RNF130: variants seen among roughly 807,000 people sequenced by gnomAD.
RNF130 encodes the protein E3 ubiquitin-protein ligase RNF130.
In RNF130, 21 loss-of-function variants were observed where a neutral mutation model predicts 44.6. The ratio of observed to expected loss-of-function variants is 0.47; its 90% confidence interval spans 0.33 to 0.68. The LOEUF is 0.68. Among genes scored for constraint, RNF130 ranks in the 30% least tolerant of loss-of-function variants. The pLI, the probability that RNF130 is intolerant of heterozygous loss-of-function variation, is 0.02. For synonymous variants in RNF130, 214 were observed against 210.4 expected (o/e 1.02, Z -0.15); for missense variants, 479 against 560.6 (o/e 0.85, Z 1.47).
intron 3 of RNF130, among the ~76,000 whole-genome samples, chr5:179,985,944 T>C (rs1296486634): frequency 6.6e-6 from 1 of 152,236 alleles, no homozygotes; most frequent in African/African-American, 2.4e-5. Context: ...TGCTACTTCT[T>C]GATCGTCAAA....
At position 180,040,658 on chromosome 5, in the gene RNF130, AAAG is replaced by A; in HGVS notation, c.248-14_248-12del. 1 of 1,608,552 alleles carries A rather than the reference AAAG, an allele frequency of 6.2e-7. No individual in the cohort carries two copies. The highest frequency in any genetic ancestry group is 8.5e-7 in the Non-Finnish European group (1 of 1,177,360). ...CCAGATGATCAGCAACTGAAAAGAA[AAAG>A]AAATACACACATTAAAGATAAATAA... On this transcript the variant is annotated splice_polypyrimidine_tract_variant and intron_variant, in intron 1 of 8. Coordinates refer to ENST00000521389, the MANE Select transcript of RNF130 (RefSeq NM_018434.6).
intron 3 of RNF130, among the ~76,000 whole-genome samples, chr5:180,010,222 C>T (rs1207217365): frequency 4.4e-5 from 5 of 114,088 alleles, no homozygotes; most frequent in Middle Eastern, 0.015. Flanking sequence ...ACTCCAGCCT[C>T]GGCGACAGTG....
chr5:180,044,504 T>C (rs576034098), intron 1 of RNF130, among the ~76,000 whole-genome samples: 36 of 152,114 alleles, frequency 2.4e-4, no homozygotes, highest in African/African-American at 8.5e-4. Context: ...CAAAGAGAGA[T>C]ACAATGTGGC....
chr5:179,918,661 A>C (rs72813763), exon 8 of RNF130: 1 of 152,326 alleles, frequency 6.6e-6, no homozygotes, highest in Non-Finnish European at 1.5e-5. Context: ...TAGTACGAAG[A>C]CTATCATAAA....
At chr5:180,007,442 T>C (rs1763486163) in intron 3 of RNF130, among the ~76,000 whole-genome samples, 1 of 151,886 alleles carries the variant, frequency 6.6e-6, no homozygotes, top group South Asian at 2.1e-4. Context: ...AAAATCAGAG[T>C]CTGTCCTTAA....
In RNF130 at chr5:180,014,503, A is replaced by C. The variant is rs554309726; in HGVS notation, c.443-1192T>G. Among the ~76,000 whole-genome samples the C allele has an allele frequency of 2.4e-4, 36 of 152,300 alleles. 1 individual carries two copies. The South Asian group carries it at 7.5e-3, about 32-fold the overall frequency. On this transcript the variant is annotated intron_variant, in intron 2 of 8. Coordinates refer to ENST00000521389, the MANE Select transcript of RNF130 (RefSeq NM_018434.6). ...ATAACCACTTATTTGAATTTGAATA[A>C]GGTTTGTACATATCAATGTAAACCA...
chr5:179,950,775 G>C (rs1201061700), downstream of RNF130, among the ~76,000 whole-genome samples: 1 of 152,172 alleles, frequency 6.6e-6, no homozygotes, highest in African/African-American at 2.4e-5. Context: ...CATTAAGTTA[G>C]TAGAAAGAGT....
intron 1 of RNF130, among the ~76,000 whole-genome samples, chr5:180,058,087 C>T (rs1764880445): frequency 1.3e-5 from 2 of 152,146 alleles, no homozygotes; most frequent in Admixed American, 6.5e-5. Flanking sequence ...GTCCTTTACA[C>T]ATAAGTTAAG....
In RNF130 at chr5:180,005,360, G is replaced by A. The variant is rs527397915; in HGVS notation, c.693+7701C>T. ...GGAGAATGGTCTGAACCTGGGAGGC[G>A]GAGCTTGCAGTGAGCTGTTAATCGA... On this transcript the variant is annotated intron_variant, in intron 3 of 8. Transcript: ENST00000521389. Among the ~76,000 whole-genome samples the A allele has an allele frequency of 1.5e-3, 226 of 152,210 alleles. 1 individual carries two copies. Among genetic ancestry groups the A allele is most frequent in the Middle Eastern group, 3.4e-3 (1 of 294 alleles).
intron 7 of RNF130, among the ~76,000 whole-genome samples, chr5:179,965,775 C>A (rs1002340532): frequency 6.6e-6 from 1 of 152,202 alleles, no homozygotes; most frequent in African/African-American, 2.4e-5. Flanking sequence ...TGAGTTTACA[C>A]AGATGACAGA....
chr5:180,071,472 C>CG lies in RNF130; in HGVS notation c.230dup (p.Leu78AlafsTer8). On this transcript the variant is annotated frameshift_variant, in exon 1 of 9. Transcript: ENST00000521389. LOFTEE classifies it high-confidence loss of function. ...GGCACTCACCTCCGTGGAGGGGCAG[C>CG]GGCGCCAGCACCTGGCCGCGGACCT... is the stretch of plus-strand genomic sequence containing the variant. 8.0e-7 allele frequency: 1 copy of CG among 1,246,304 alleles called. No homozygotes were observed. Among genetic ancestry groups the CG allele is most frequent in the East Asian group, 3.2e-5 (1 of 31,688 alleles). The allele number at this position is 1,246,304 out of a possible 1,614,324, so 77.2% of individuals were successfully genotyped here.
chr5:179,939,108 T>C (rs933892214), intron 7 of RNF130, among the ~76,000 whole-genome samples: 1 of 152,026 alleles, frequency 6.6e-6, no homozygotes, highest in Admixed American at 6.6e-5. Context: ...TCCCAGCTGC[T>C]TGGGGGGCTG....
intron 3 of RNF130, among the ~76,000 whole-genome samples, chr5:180,002,160 G>A (rs1004898819): frequency 1.1e-4 from 16 of 152,334 alleles, no homozygotes; most frequent in Non-Finnish European, 1.3e-4. Flanking sequence ...CCTGGGAGGC[G>A]TGGCGCTGCT....
At chr5:179,912,154 G>A (rs761420963) in exon 8 of RNF130, 3 of 152,170 alleles carry the variant, frequency 2.0e-5, no homozygotes, top group Non-Finnish European at 4.4e-5. Context: ...TGTGCATAGT[G>A]AGCAGGAACC....
In RNF130 at chr5:180,057,074, A is replaced by G. The variant is rs546400712; in HGVS notation, c.247+14382T>C. On this transcript the variant is annotated intron_variant, in intron 1 of 8. Coordinates refer to ENST00000521389, the MANE Select transcript of RNF130 (RefSeq NM_018434.6). ...TCTTATTCAAAATAAGCCCCTTTCA[A>G]CCATACCAGCGTCTGTGCTAATAAG... Among the ~76,000 whole-genome samples, 10 of 152,320 alleles carry G rather than the reference A, an allele frequency of 6.6e-5. No individual in the cohort carries two copies. In the South Asian group the frequency reaches 1.0e-3, roughly 16 times the overall value.
At chr5:179,985,342 A>C (rs1214019194) in intron 3 of RNF130, among the ~76,000 whole-genome samples, 3 of 152,010 alleles carry the variant, frequency 2.0e-5, no homozygotes, top group Admixed American at 6.6e-5. Context: ...CCATCTTTCC[A>C]GACTTTTGTG....
chr5:180,037,350 G>C (rs965330113), intron 2 of RNF130, among the ~76,000 whole-genome samples: 15 of 152,136 alleles, frequency 9.9e-5, no homozygotes, highest in African/African-American at 3.1e-4. Context: ...GTGAGAGAAG[G>C]GCAAACAGCA....
At chr5:179,951,673 A>G (rs1661103286), downstream of RNF130, among the ~76,000 whole-genome samples, 1 of 152,160 alleles carries the variant, frequency 6.6e-6, no homozygotes, top group Non-Finnish European at 1.5e-5. Flanking sequence ...AGGTCGTAAG[A>G]GAAGCCTTAA....
intron 3 of RNF130, among the ~76,000 whole-genome samples, chr5:179,991,965 A>G (rs967139894): frequency 6.6e-6 from 1 of 152,040 alleles, no homozygotes; most frequent in Non-Finnish European, 1.5e-5. Context: ...CACTCCTATG[A>G]GAACCTAATG....
Sources: gnomAD v4.1 joint callset for allele counts (sites outside exome capture counted in the v4.1 genomes callset) on GRCh38, gnomAD v4.1.1 for gene constraint, MANE v1.5 for transcripts, NCBI Gene and HGNC (gene_info 2026-07-23, HGNC 2026-07-21) for gene names.